The following RAP1GAP2 variants were observed in gnomAD, a reference collection of about 807,000 sequenced individuals.
RAP1GAP2 encodes RAP1 GTPase activating protein 2.
RAP1GAP2 carries 27 observed loss-of-function variants against 95.0 expected under a neutral mutation model. The observed-to-expected ratio is 0.28, with a 90% CI of 0.21 to 0.39. The LOEUF is 0.39. Among genes scored for constraint, RAP1GAP2 ranks in the 10% least tolerant of loss-of-function variants. The pLI is 1.00. For missense variants in RAP1GAP2, 771 were observed against 970.0 expected (o/e 0.79, Z 2.72); for synonymous variants, 373 against 380.9 (o/e 0.98, Z 0.24).
intron 2 of RAP1GAP2, among the ~76,000 whole-genome samples, chr17:2,863,470 A>G (rs1322973539): frequency 6.6e-6 from 1 of 152,194 alleles, no homozygotes; most frequent in Non-Finnish European, 1.5e-5. Flanking sequence ...GTCCTGAGAC[A>G]GCTGACCTTG....
chr17:2,936,111 T>A (rs2043301305), intron 3 of RAP1GAP2, among the ~76,000 whole-genome samples: 1 of 151,864 alleles, frequency 6.6e-6, no homozygotes, highest in African/African-American at 2.4e-5. Flanking sequence ...CTCTTTTTTT[T>A]TTTTTATTAT....
intron 2 of RAP1GAP2, among the ~76,000 whole-genome samples, chr17:2,879,270 C>T (rs2073203298): frequency 6.6e-6 from 1 of 152,102 alleles, no homozygotes; most frequent in African/African-American, 2.4e-5. Flanking sequence ...CACCCGCCAC[C>T]ATAACTGGCT....
At chr17:2,849,207 G>C (rs2071717797) in intron 2 of RAP1GAP2, among the ~76,000 whole-genome samples, 1 of 152,144 alleles carries the variant, frequency 6.6e-6, no homozygotes, top group Non-Finnish European at 1.5e-5. Flanking sequence ...TGGAGGGGAG[G>C]GGCAAGGCGT....
Position 2,980,352 on chromosome 17 carries a change from C to G in RAP1GAP2, c.662C>G (p.Pro221Arg). 6.2e-7 allele frequency: 1 copy of G among 1,613,910 alleles called. No individual in the cohort carries two copies. The highest frequency in any genetic ancestry group is 8.5e-7 in the Non-Finnish European group (1 of 1,179,870). Reference protein sequence around the residue: ...LAGLSKLPSVPQIAKAFCDDA... With the variant: ...LAGLSKLPSVRQIAKAFCDDA... ...GGACTGAGCAAGCTTCCCAGTGTCC[C>G]TCAGATTGCAAAGGTGAGAAACCAA... Residue 221 changes from proline to arginine, a missense_variant, in exon 9 of 25, where the codon CCT (proline) becomes CGT (arginine). Pro to Arg is a moderately radical substitution (Grantham distance 103, BLOSUM62 -2). Coordinates refer to ENST00000254695, the MANE Select transcript of RAP1GAP2 (RefSeq NM_015085.5).
chr17:2,857,154 T>C lies in RAP1GAP2; in HGVS notation c.81-48130T>C, dbSNP rs973704384. 6.6e-6 allele frequency among the ~76,000 whole-genome samples: 1 copy of C among 152,156 alleles called. No individual in the cohort carries two copies. The highest frequency in any genetic ancestry group is 1.5e-5 in the Non-Finnish European group (1 of 68,016). ...GTCAGGCTCAGGCCCCTTCTTCTCC[T>C]CCCAGAAGGCTTGATCCATCCATCG... is the stretch of plus-strand genomic sequence containing the variant. On this transcript the variant is annotated intron_variant, in intron 2 of 24. Transcript: ENST00000254695. This position sits in a 1 kb window ranked among gnomAD's most constrained non-coding sequence, Gnocchi z 4.0.
At chr17:2,969,089 T>A (rs1423824483) in intron 8 of RAP1GAP2, among the ~76,000 whole-genome samples, 1 of 152,068 alleles carries the variant, frequency 6.6e-6, no homozygotes, top group South Asian at 2.1e-4. Flanking sequence ...TTAACACACA[T>A]CACTTGACAT....
chr17:2,826,147 A>T (rs1200086728), intron 2 of RAP1GAP2, among the ~76,000 whole-genome samples: 1 of 108,864 alleles, frequency 9.2e-6, no homozygotes, highest in Admixed American at 1.1e-4. Flanking sequence ...CGCCCAGCAA[A>T]TTTTTTTTTT....
At chr17:2,758,181 CTTT>C (rs1555537909) in intron 1 of RAP1GAP2, among the ~76,000 whole-genome samples, 4 of 124,178 alleles carry the variant, frequency 3.2e-5, no homozygotes, top group African/African-American at 1.2e-4. Context: ...GCCCCCCCCC[CTTT>C]TTTTTTTTTA....
At chr17:2,936,226 T>C (rs1055143293) in intron 3 of RAP1GAP2, among the ~76,000 whole-genome samples, 2 of 149,484 alleles carry the variant, frequency 1.3e-5, no homozygotes, top group African/African-American at 4.9e-5. Context: ...CATTTAGCAT[T>C]AGGTATGTCT....
chr17:2,815,966 G>A (rs185208315), intron 2 of RAP1GAP2, among the ~76,000 whole-genome samples: 1 of 152,244 alleles, frequency 6.6e-6, no homozygotes, highest in African/African-American at 2.4e-5. Context: ...CTGGCTGGAC[G>A]TGGTCAGAAG....
At chr17:2,954,151 C>T (rs1460881997) in intron 3 of RAP1GAP2, among the ~76,000 whole-genome samples, 1 of 152,188 alleles carries the variant, frequency 6.6e-6, no homozygotes, top group Non-Finnish European at 1.5e-5. Context: ...GTCATCCAGG[C>T]TGGAGTGCAG....
chr17:3,018,216 C>T lies in RAP1GAP2; in HGVS notation c.1632+18C>T. On this transcript the variant is annotated intron_variant, in intron 18 of 24. Coordinates refer to ENST00000254695, the MANE Select transcript of RAP1GAP2 (RefSeq NM_015085.5). ...CCTTCTCGGTGAGTGCTGGCAGGCC[C>T]CGGGGCGGCAAGTGGGTCCCAGGGA... 1.3e-6 allele frequency: 2 copies of T among 1,547,008 alleles called. No homozygotes were observed. The highest frequency in any genetic ancestry group is 1.4e-5 in the African/African-American group (1 of 72,378).
chr17:2,819,242 G>T (rs550702731), intron 2 of RAP1GAP2, among the ~76,000 whole-genome samples: 2 of 151,648 alleles, frequency 1.3e-5, no homozygotes, highest in Non-Finnish European at 2.9e-5. Context: ...GGATGGTCTC[G>T]ATCTCCTGAC....
chr17:2,885,809 C>A (rs924555317), intron 2 of RAP1GAP2, among the ~76,000 whole-genome samples: 2 of 152,214 alleles, frequency 1.3e-5, no homozygotes, highest in African/African-American at 2.4e-5. Context: ...AGCTGCCTGG[C>A]GAGGCCACCC....
At chr17:2,856,371 C>A (rs8075015) in intron 2 of RAP1GAP2, among the ~76,000 whole-genome samples, 12,137 of 152,208 alleles carry the variant, frequency 0.08, 672 homozygotes, top group Non-Finnish European at 0.11. Flanking sequence ...CTGGGAACCT[C>A]GGTTTCTGCC....
chr17:2,955,566 G>A (rs918444044), intron 3 of RAP1GAP2, among the ~76,000 whole-genome samples: 3 of 152,152 alleles, frequency 2.0e-5, no homozygotes, highest in African/African-American at 4.8e-5. Context: ...CATTCTGCGG[G>A]CTTTCTTTTG....
At chr17:2,914,521 C>T (rs921860555) in intron 3 of RAP1GAP2, among the ~76,000 whole-genome samples, 3 of 152,096 alleles carry the variant, frequency 2.0e-5, no homozygotes, top group Non-Finnish European at 2.9e-5. Flanking sequence ...GGCAGAGTCT[C>T]GCTCTGTCGC....
intron 3 of RAP1GAP2, among the ~76,000 whole-genome samples, chr17:2,915,999 T>C (rs1214876685): frequency 1.3e-5 from 2 of 152,184 alleles, no homozygotes; most frequent in Non-Finnish European, 2.9e-5. Context: ...TGCGCCCGGC[T>C]AGAAGCTTTA....
In RAP1GAP2 at chr17:2,801,684, T is replaced by C. The variant is rs138120811; in HGVS notation, c.80+1134T>C. On this transcript the variant is annotated intron_variant, in intron 2 of 24. Transcript: ENST00000254695. The stretch of plus-strand genomic sequence containing the variant: ...GCTCATCAAGTCATTTGTTGCCAGG[T>C]ATGTCAGCATGGGCAGCCTGGCCCT... 4.4e-3 allele frequency among the ~76,000 whole-genome samples: 664 copies of C among 149,288 alleles called. 1 individual carries two copies. The highest frequency in any genetic ancestry group is 0.015 in the African/African-American group (614 of 40,644).
Sources: gnomAD v4.1 joint callset for allele counts (sites outside exome capture counted in the v4.1 genomes callset) on GRCh38, gnomAD v4.1.1 for gene constraint, Gnocchi (gnomAD v3.1) non-coding constraint, MANE v1.5 for transcripts, NCBI Gene and HGNC (gene_info 2026-07-23, HGNC 2026-07-21) for gene names.